The following ZNF804A variants were observed in gnomAD, a reference collection of about 807,000 sequenced individuals.
ZNF804A encodes the protein zinc finger protein 804A.
Under a neutral mutation model 16.5 loss-of-function variants are expected in ZNF804A, and 2 were observed. The observed-to-expected ratio is 0.12, with a 90% CI of 0.05 to 0.38. The LOEUF (loss-of-function observed/expected upper bound fraction) is 0.38. Ranked by LOEUF, ZNF804A falls within the 10% of genes least tolerant of loss-of-function variation. The probability of loss-of-function intolerance (pLI) is 0.99; values close to 1 mark genes in which losing one functional copy is unlikely to be tolerated. For missense variants in ZNF804A, 1,473 were observed against 1,390.7 expected, an observed-to-expected ratio of 1.06 and a Z score of -0.94; for synonymous variants, 534 against 489.6, an observed-to-expected ratio of 1.09 and a Z score of -1.20.
At chr2:184,665,097 T>C (rs1046588716) in intron 1 of ZNF804A, among the ~76,000 whole-genome samples, 1 of 152,210 alleles carries the variant, frequency 6.6e-6, no homozygotes, top group Non-Finnish European at 1.5e-5. Context: ...CATTAATATT[T>C]ACACAAAGAC....
chr2:184,856,000 C>T (rs1031887009), intron 1 of ZNF804A, among the ~76,000 whole-genome samples: 1 of 151,976 alleles, frequency 6.6e-6, no homozygotes, highest in Admixed American at 6.6e-5. Flanking sequence ...TATTCATTTA[C>T]TGATAAATGG....
At chr2:184,780,360 G>A (rs1053660046) in intron 1 of ZNF804A, among the ~76,000 whole-genome samples, 6 of 151,784 alleles carry the variant, frequency 4.0e-5, no homozygotes. Flanking sequence ...TAATTTATAT[G>A]CTACGTTTTA....
intron 1 of ZNF804A, among the ~76,000 whole-genome samples, chr2:184,762,115 CCTT>C (rs1694044562): frequency 6.6e-6 from 1 of 151,878 alleles, no homozygotes. Context: ...ATTGTCTCCT[CCTT>C]CATTTTCTCT....
chr2:184,802,660 A>G (rs750694188), intron 1 of ZNF804A, among the ~76,000 whole-genome samples: 1 of 152,310 alleles, frequency 6.6e-6, no homozygotes, highest in Middle Eastern at 3.4e-3. Context: ...CAATTCTCTG[A>G]TGAGTGCAAG....
intron 1 of ZNF804A, among the ~76,000 whole-genome samples, chr2:184,704,249 T>C (rs1692983531): frequency 6.6e-6 from 1 of 151,506 alleles, no homozygotes; most frequent in Admixed American, 6.6e-5. Flanking sequence ...CCTCCCGAGA[T>C]CAAGCAATTC....
At chr2:184,884,883 A>G (rs1163035078) in intron 2 of ZNF804A, among the ~76,000 whole-genome samples, 1 of 152,208 alleles carries the variant, frequency 6.6e-6, no homozygotes, top group Non-Finnish European at 1.5e-5. Context: ...TTGTACAGCA[A>G]AAGAAATTGT....
At chr2:184,823,306 A>G (rs542997934) in intron 1 of ZNF804A, among the ~76,000 whole-genome samples, 1 of 152,072 alleles carries the variant, frequency 6.6e-6, no homozygotes, top group African/African-American at 2.4e-5. Context: ...ACATGATTTA[A>G]CACCTCCTAA....
At chr2:184,773,666 A>C (rs1694249533) in intron 1 of ZNF804A, among the ~76,000 whole-genome samples, 1 of 151,218 alleles carries the variant, frequency 6.6e-6, no homozygotes, top group Non-Finnish European at 1.5e-5. Context: ...AGTGGGAGGC[A>C]GGTGAGGTAT....
chr2:184,905,853 C>A (rs1177234875), intron 2 of ZNF804A, among the ~76,000 whole-genome samples: 8 of 152,116 alleles, frequency 5.3e-5, no homozygotes, highest in Admixed American at 3.9e-4. Context: ...AAAATTGAAT[C>A]ATCTGATAAT....
chr2:184,703,711 AAG>A (rs1692968995), intron 1 of ZNF804A, among the ~76,000 whole-genome samples: 1 of 145,376 alleles, frequency 6.9e-6, no homozygotes, highest in Non-Finnish European at 1.5e-5. Flanking sequence ...AAAAAAAAAA[AAG>A]AAAGAAAGAA....
At chr2:184,698,773 G>C (rs1692875234) in intron 1 of ZNF804A, among the ~76,000 whole-genome samples, 1 of 152,078 alleles carries the variant, frequency 6.6e-6, no homozygotes, top group Admixed American at 6.6e-5. Context: ...GTAATAAGAT[G>C]TCTGAAGAAG....
chr2:184,622,429 G>T (rs987209434), intron 1 of ZNF804A, among the ~76,000 whole-genome samples: 7 of 151,648 alleles, frequency 4.6e-5, no homozygotes, highest in African/African-American at 1.7e-4. Flanking sequence ...GGAAAATGGA[G>T]CTTATTGAGA....
intron 1 of ZNF804A, among the ~76,000 whole-genome samples, chr2:184,838,701 G>A (rs1387854379): frequency 6.6e-6 from 1 of 151,926 alleles, no homozygotes; most frequent in African/African-American, 2.4e-5. Flanking sequence ...ACAGAAAGTT[G>A]TATCAAAGTA....
At chr2:184,791,340 T>C (rs1694536353) in intron 1 of ZNF804A, among the ~76,000 whole-genome samples, 1 of 152,124 alleles carries the variant, frequency 6.6e-6, no homozygotes, top group Admixed American at 6.6e-5. Context: ...ATCCTTTGAT[T>C]GTAGGATCAG....
intron 1 of ZNF804A, among the ~76,000 whole-genome samples, chr2:184,708,005 T>C (rs768761622): frequency 1.3e-5 from 2 of 152,156 alleles, no homozygotes; most frequent in Non-Finnish European, 2.9e-5. Flanking sequence ...TGGTATCTCA[T>C]TGTGGCTTTG....
chr2:184,808,529 C>T (rs933442170), intron 1 of ZNF804A, among the ~76,000 whole-genome samples: 1 of 151,320 alleles, frequency 6.6e-6, no homozygotes, highest in African/African-American at 2.4e-5. Flanking sequence ...TAGAATAATA[C>T]ATATATGAAA....
At chr2:184,673,361 G>A (rs971436110) in intron 1 of ZNF804A, among the ~76,000 whole-genome samples, 1 of 152,158 alleles carries the variant, frequency 6.6e-6, no homozygotes, top group Non-Finnish European at 1.5e-5. Context: ...TATAGCTTTT[G>A]TCTTTAATTC....
chr2:184,728,400 CA>C, intron 1 of ZNF804A, among the ~76,000 whole-genome samples: 1 of 151,802 alleles, frequency 6.6e-6, no homozygotes, highest in Non-Finnish European at 1.5e-5. Context: ...TAAGAAAACT[CA>C]GATCATTAAA....
intron 2 of ZNF804A, among the ~76,000 whole-genome samples, chr2:184,922,575 C>A (rs769971759): frequency 6.6e-6 from 1 of 151,692 alleles, no homozygotes; most frequent in Non-Finnish European, 1.5e-5. Flanking sequence ...TAATTGTTTT[C>A]TTTGCTGTGC....
Sources: allele counts gnomAD v4.1 joint callset (sites outside exome capture counted in the v4.1 genomes callset), GRCh38; gene constraint gnomAD v4.1.1; transcripts MANE v1.5; gene names NCBI Gene and HGNC (gene_info 2026-07-23, HGNC 2026-07-21).